The following OPHN1 variants were observed in gnomAD, a reference collection of about 807,000 sequenced individuals.
OPHN1 encodes the protein oligophrenin-1.
Under a neutral mutation model 60.7 loss-of-function variants are expected in OPHN1, and 11 were observed. The observed-to-expected ratio is 0.18, with a 90% CI of 0.11 to 0.30. The LOEUF (loss-of-function observed/expected upper bound fraction) is 0.30. Ranked by LOEUF, OPHN1 falls within the 10% of genes least tolerant of loss-of-function variation. OPHN1 has a pLI of 1.00. For missense variants in OPHN1, 449 were observed against 611.0 expected (o/e 0.73, Z 2.80); for synonymous variants, 226 against 222.6 (o/e 1.02, Z -0.14).
At chrX:68,226,543 T>C (rs2077693948) in intron 6 of OPHN1, among the ~76,000 whole-genome samples, 2 of 111,674 alleles carry the variant, frequency 1.8e-5, no homozygotes, top group South Asian at 7.5e-4. Context: ...CGGCAGAAAC[T>C]CTACAAGCCA....
At chrX:68,238,055 T>C (rs1032860490) in intron 5 of OPHN1, among the ~76,000 whole-genome samples, 20 of 111,759 alleles carry the variant, frequency 1.8e-4, no homozygotes, top group African/African-American at 6.5e-4. Context: ...TTCCATATAT[T>C]TATCAGAAAA....
chrX:68,307,730 C>T (rs760479753), intron 2 of OPHN1, among the ~76,000 whole-genome samples: 1 of 110,883 alleles, frequency 9.0e-6, no homozygotes, highest in Non-Finnish European at 1.9e-5. Flanking sequence ...ATGTATAAAA[C>T]GTTATCTACA....
intron 15 of OPHN1, among the ~76,000 whole-genome samples, chrX:68,190,014 CA>C (rs1236629890): frequency 9.1e-6 from 1 of 109,726 alleles, no homozygotes; most frequent in African/African-American, 3.3e-5. Flanking sequence ...GTTACGTAAC[CA>C]AAAGGCAATG....
chrX:68,384,805 G>T (rs757919810), intron 2 of OPHN1, among the ~76,000 whole-genome samples: 7 of 111,455 alleles, frequency 6.3e-5, no homozygotes, highest in Non-Finnish European at 1.1e-4. Context: ...AAGTAACTCA[G>T]CACTGGAAAA....
intron 6 of OPHN1, among the ~76,000 whole-genome samples, chrX:68,226,377 G>C (rs768454170): frequency 9.0e-6 from 1 of 111,068 alleles, no homozygotes; most frequent in Non-Finnish European, 1.9e-5. Context: ...GAAATACAGA[G>C]AATGCCACAA....
At chrX:68,181,282 A>T (rs1203475241) in intron 15 of OPHN1, among the ~76,000 whole-genome samples, 1 of 111,379 alleles carries the variant, frequency 9.0e-6, no homozygotes, top group African/African-American at 3.3e-5. Context: ...CATTGCTATT[A>T]TACATACTAA....
chrX:68,068,110 C>T (rs1485300347), intron 20 of OPHN1, among the ~76,000 whole-genome samples: 2 of 111,159 alleles, frequency 1.8e-5, no homozygotes, highest in Non-Finnish European at 3.8e-5. Context: ...ATAAGACAGA[C>T]TATACAAAGT....
chrX:68,183,796 A>C (rs1021505807), intron 15 of OPHN1, among the ~76,000 whole-genome samples: 2 of 112,656 alleles, frequency 1.8e-5, no homozygotes, highest in Non-Finnish European at 3.7e-5. Context: ...CGTATTAATT[A>C]GCTTGTTTTC....
intron 11 of OPHN1, among the ~76,000 whole-genome samples, chrX:68,200,640 G>A (rs1382678597): frequency 9.0e-6 from 1 of 111,286 alleles, no homozygotes; most frequent in African/African-American, 3.3e-5. Context: ...AAATTGTGAG[G>A]GTCAAATAAT....
At chrX:68,349,442 G>A (rs1406104122) in intron 2 of OPHN1, among the ~76,000 whole-genome samples, 4 of 111,907 alleles carry the variant, frequency 3.6e-5, no homozygotes, top group African/African-American at 1.3e-4. Flanking sequence ...AAATAGGAAT[G>A]CTTTTACACT....
chrX:68,335,288 T>A (rs1023224378), intron 2 of OPHN1, among the ~76,000 whole-genome samples: 10 of 111,372 alleles, frequency 9.0e-5, no homozygotes, highest in African/African-American at 2.9e-4. Context: ...AGCCCACAGT[T>A]CTCTTTCTCT....
Position 68,064,701 on chromosome X carries a change from T to TCAGTG in OPHN1, c.1835-529_1835-525dup, listed in dbSNP as rs768622698. Among the ~76,000 whole-genome samples, 52 of 112,331 alleles carry TCAGTG rather than the reference T, an allele frequency of 4.6e-4. 1 individual carries two copies. The highest frequency in any genetic ancestry group is 7.4e-4 in the South Asian group (2 of 2,693). The stretch of plus-strand genomic sequence containing the variant: ...TTCCTCTGACATTAGTACATGTCTT[T>TCAGTG]CAGTGGTTCTGAGACTTACTTAAAG... On this transcript the variant is annotated intron_variant, in intron 20 of 24. Transcript: ENST00000355520.
chrX:68,254,963 T>C (rs1384363941), intron 5 of OPHN1, among the ~76,000 whole-genome samples: 1 of 95,441 alleles, frequency 1.0e-5, no homozygotes. Flanking sequence ...GAGGTTGCAG[T>C]AAGCCAAGAC....
chrX:68,226,248 G>A (rs972930812), intron 6 of OPHN1, among the ~76,000 whole-genome samples: 11 of 111,742 alleles, frequency 9.8e-5, no homozygotes, highest in African/African-American at 2.9e-4. Flanking sequence ...CCAAATCTAC[G>A]CCTGATTTGT....
intron 11 of OPHN1, among the ~76,000 whole-genome samples, chrX:68,200,894 A>T (rs2147466910): frequency 8.9e-6 from 1 of 112,227 alleles, no homozygotes; most frequent in South Asian, 3.7e-4. Context: ...AAACAGATTT[A>T]TTCTGTTTAT....
chrX:68,411,906 G>A (rs770578552), intron 2 of OPHN1, among the ~76,000 whole-genome samples: 50 of 111,358 alleles, frequency 4.5e-4, no homozygotes, highest in African/African-American at 1.4e-3. Context: ...TAGGGTTGAC[G>A]CTTTTATACC....
intron 2 of OPHN1, among the ~76,000 whole-genome samples, chrX:68,401,488 C>A (rs1231484272): frequency 1.8e-5 from 2 of 112,184 alleles, no homozygotes; most frequent in African/African-American, 6.5e-5. Context: ...TACCGTAACA[C>A]AATTGTACAG....
At chrX:68,187,607 AT>A (rs1315838188) in intron 15 of OPHN1, among the ~76,000 whole-genome samples, 2 of 109,813 alleles carry the variant, frequency 1.8e-5, no homozygotes, top group African/African-American at 6.6e-5. Flanking sequence ...ATAAATTCGT[AT>A]TGGTTTTTTG....
chrX:68,421,085 G>C (rs952978828), intron 2 of OPHN1, among the ~76,000 whole-genome samples: 2 of 111,360 alleles, frequency 1.8e-5, no homozygotes, highest in Non-Finnish European at 3.8e-5. Flanking sequence ...ATTCCAGCAA[G>C]ATACTGCCGA....
Sources: gnomAD v4.1 joint callset for allele counts (sites outside exome capture counted in the v4.1 genomes callset) on GRCh38, gnomAD v4.1.1 for gene constraint, MANE v1.5 for transcripts, NCBI Gene and HGNC (gene_info 2026-07-23, HGNC 2026-07-21) for gene names.